CTNNA3: variants seen among roughly 807,000 people sequenced by gnomAD.
CTNNA3 encodes the protein catenin alpha 3.
CTNNA3 carries 76 observed loss-of-function variants against 95.7 expected under a neutral mutation model. That is an observed-to-expected ratio of 0.79 (90% CI 0.66 to 0.96). The LOEUF (loss-of-function observed/expected upper bound fraction) is 0.96, where lower values mean the gene tolerates loss of function less well. Ranked by LOEUF, CTNNA3 falls within the 40% of genes least tolerant of loss-of-function variation. The pLI is 0.00. For missense variants in CTNNA3, 1,191 were observed against 1,089.8 expected (o/e 1.09, Z -1.31); for synonymous variants, 431 against 374.4 (o/e 1.15, Z -1.74).
At chr10:67,553,826 T>G (rs1841121341) in intron 3 of CTNNA3, among the ~76,000 whole-genome samples, 1 of 152,190 alleles carries the variant, frequency 6.6e-6, no homozygotes, top group Non-Finnish European at 1.5e-5. Flanking sequence ...TTGTTACGTA[T>G]GTATACATGT....
chr10:66,046,230 C>T (rs899963611), intron 15 of CTNNA3, among the ~76,000 whole-genome samples: 12 of 152,162 alleles, frequency 7.9e-5, no homozygotes, highest in African/African-American at 2.7e-4. Context: ...CATGCTTCTG[C>T]ACAGATCTTT....
intron 14 of CTNNA3, among the ~76,000 whole-genome samples, chr10:66,074,971 A>G (rs1326501240): frequency 1.3e-5 from 2 of 151,888 alleles, no homozygotes; most frequent in African/African-American, 2.4e-5. Flanking sequence ...TCAAAATTTT[A>G]TATCACTGAT....
At chr10:66,925,951 A>AAG in intron 7 of CTNNA3, 1 of 453,284 alleles carries the variant, frequency 2.2e-6, no homozygotes, top group Non-Finnish European at 4.5e-6. Context: ...TGCAAGATAA[A>AAG]AGAGAGACAT....
chr10:67,281,095 T>C (rs2132442661), intron 5 of CTNNA3, among the ~76,000 whole-genome samples: 1 of 152,118 alleles, frequency 6.6e-6, no homozygotes, highest in Middle Eastern at 3.4e-3. Flanking sequence ...CTTTATTTTT[T>C]CTCCTATTAC....
chr10:66,857,072 G>A (rs1311491929), intron 7 of CTNNA3, among the ~76,000 whole-genome samples: 1 of 151,862 alleles, frequency 6.6e-6, no homozygotes, highest in Non-Finnish European at 1.5e-5. Context: ...GTCTTGAGTT[G>A]CTTTTTGTAA....
chr10:67,199,956 G>T (rs1201874200), intron 6 of CTNNA3, among the ~76,000 whole-genome samples: 1 of 152,122 alleles, frequency 6.6e-6, no homozygotes, highest in African/African-American at 2.4e-5. Flanking sequence ...TAAAACACTA[G>T]TTAACTACTA....
At chr10:67,020,149 A>G (rs923354285) in intron 7 of CTNNA3, among the ~76,000 whole-genome samples, 1 of 152,202 alleles carries the variant, frequency 6.6e-6, no homozygotes, top group African/African-American at 2.4e-5. Flanking sequence ...ACAGAATTAT[A>G]GTATTTTTTA....
intron 1 of CTNNA3, among the ~76,000 whole-genome samples, chr10:67,718,025 G>T (rs1841154759): frequency 1.3e-5 from 2 of 152,056 alleles, no homozygotes; most frequent in African/African-American, 2.4e-5. Flanking sequence ...CCTTGAAGAG[G>T]TCCTCACACA....
chr10:66,114,199 TCTTATC>T (rs1000418579), intron 13 of CTNNA3, among the ~76,000 whole-genome samples: 19 of 152,192 alleles, frequency 1.2e-4, no homozygotes, highest in Non-Finnish European at 2.4e-4. Context: ...ATTTTTTTTA[TCTTATC>T]CTTAGACTAG....
intron 7 of CTNNA3, among the ~76,000 whole-genome samples, chr10:66,888,242 C>T (rs182739123): frequency 7.0e-4 from 106 of 152,220 alleles, no homozygotes; most frequent in Non-Finnish European, 1.3e-3. Flanking sequence ...CTGGATGTCA[C>T]CCAGCAAGGA....
At chr10:66,309,495 A>G (rs887045569) in intron 12 of CTNNA3, among the ~76,000 whole-genome samples, 4 of 151,412 alleles carry the variant, frequency 2.6e-5, no homozygotes, top group African/African-American at 9.7e-5. Flanking sequence ...GATCGAGACC[A>G]TCCTGGCTAA....
In CTNNA3 at chr10:67,263,803, T is replaced by C. The variant is rs1468097884; in HGVS notation, c.580-43933A>G. 3.3e-5 allele frequency among the ~76,000 whole-genome samples: 5 copies of C among 152,146 alleles called. No homozygotes were observed. In the East Asian group the frequency reaches 9.6e-4, roughly 29 times the overall value. ...GTAATGAGAATTCTGCTGTCGCTGG[T>C]GAAGAAGTAGCAAATCACAGCCAAA... On this transcript the variant is annotated intron_variant, in intron 5 of 17. Coordinates refer to ENST00000433211, the MANE Select transcript of CTNNA3 (RefSeq NM_013266.4).
At chr10:66,589,367 C>A (rs1371642110) in intron 10 of CTNNA3, among the ~76,000 whole-genome samples, 1 of 152,036 alleles carries the variant, frequency 6.6e-6, no homozygotes, top group Admixed American at 6.6e-5. Context: ...AATATATATC[C>A]ATGCCCAATA....
At chr10:67,450,817 GACA>G (rs1266973349) in intron 5 of CTNNA3, among the ~76,000 whole-genome samples, 1 of 151,472 alleles carries the variant, frequency 6.6e-6, no homozygotes, top group African/African-American at 2.4e-5. Flanking sequence ...TTGAATCATA[GACA>G]ACTTTATGAA....
chr10:66,760,293 C>T (rs897159636), intron 9 of CTNNA3, among the ~76,000 whole-genome samples: 3 of 152,148 alleles, frequency 2.0e-5, no homozygotes, highest in Admixed American at 6.5e-5. Flanking sequence ...AAGTCTAACC[C>T]GTGCAGCCTG....
chr10:66,583,760 AT>A lies in CTNNA3; in HGVS notation c.1374+37931del, dbSNP rs1215019507. The stretch of plus-strand genomic sequence containing the variant: ...TTTCTTATTTCTCTGGTTCCTTCAG[AT>A]GTATTGTTAGGCTGTCAATTTGTGA... On this transcript the variant is annotated intron_variant, in intron 10 of 17. Transcript: ENST00000433211. Among the ~76,000 whole-genome samples, 4 of 151,064 alleles carry A rather than the reference AT, an allele frequency of 2.6e-5. No individual in the cohort carries two copies. In the East Asian group the frequency reaches 7.7e-4, roughly 29 times the overall value.
intron 12 of CTNNA3, among the ~76,000 whole-genome samples, chr10:66,346,154 C>A (rs2092509031): frequency 6.9e-6 from 1 of 145,834 alleles, no homozygotes; most frequent in South Asian, 2.2e-4. Flanking sequence ...ATGTGGAATA[C>A]ATCCTCCAAT....
chr10:67,036,553 G>A (rs1854073748), intron 7 of CTNNA3, among the ~76,000 whole-genome samples: 1 of 151,776 alleles, frequency 6.6e-6, no homozygotes, highest in African/African-American at 2.4e-5. Flanking sequence ...AAAAATTTTT[G>A]GTAGAGACAA....
chr10:67,011,294 T>C (rs1852317513), intron 7 of CTNNA3, among the ~76,000 whole-genome samples: 1 of 148,334 alleles, frequency 6.7e-6, no homozygotes, highest in Non-Finnish European at 1.5e-5. Flanking sequence ...TGAGCCAAGA[T>C]CATGCCACTG....
Sources: allele counts gnomAD v4.1 joint callset (sites outside exome capture counted in the v4.1 genomes callset), GRCh38; gene constraint gnomAD v4.1.1; transcripts MANE v1.5; gene names NCBI Gene and HGNC (gene_info 2026-07-23, HGNC 2026-07-21).